UNC5C: variants seen among roughly 807,000 people sequenced by gnomAD.
UNC5C encodes the protein netrin receptor UNC5C.
In UNC5C, 47 loss-of-function variants were observed where a neutral mutation model predicts 99.8. The ratio of observed to expected loss-of-function variants is 0.47; its 90% CI spans 0.37 to 0.60. The LOEUF (loss-of-function observed/expected upper bound fraction) is 0.60, where lower values mean the gene tolerates loss of function less well. UNC5C is among the 20% of genes least tolerant of loss of function. The pLI is 0.00. For missense variants in UNC5C, 1,062 were observed against 1,165.9 expected (o/e 0.91, Z 1.30); for synonymous variants, 487 against 452.2 (o/e 1.08, Z -0.98).
rs767409515 is a variant in UNC5C at position 95,202,724 on chromosome 4, C to T, written c.2136+7G>A. Reference sequence around the variant, plus strand: ...TGAAGAGGGCAGGCTAGGTGGGAGGCACTTACCTTCAGGGCATCCTGGGTG... The same window carrying T: ...TGAAGAGGGCAGGCTAGGTGGGAGGTACTTACCTTCAGGGCATCCTGGGTG... On this transcript the variant is annotated splice_region_variant and intron_variant, in intron 12 of 15. Coordinates refer to ENST00000453304, the MANE Select transcript of UNC5C (RefSeq NM_003728.4). The T allele has an allele frequency of 3.1e-6, 5 of 1,613,220 alleles. No homozygotes were observed. Among genetic ancestry groups the T allele is most frequent in the Non-Finnish European group, 4.2e-6 (5 of 1,179,600 alleles).
At chr4:95,449,100 C>T (rs941869803) in intron 1 of UNC5C, among the ~76,000 whole-genome samples, 6 of 152,154 alleles carry the variant, frequency 3.9e-5, no homozygotes, top group Admixed American at 1.3e-4. Context: ...AAAAAAGACA[C>T]TTGAAATATT....
intron 1 of UNC5C, among the ~76,000 whole-genome samples, chr4:95,347,146 G>A (rs1404677394): frequency 6.6e-6 from 1 of 151,898 alleles, no homozygotes; most frequent in African/African-American, 2.4e-5. Flanking sequence ...AAGAAGTCAA[G>A]TAAATAATCC....
chr4:95,257,877 A>C (rs190242604), intron 4 of UNC5C, among the ~76,000 whole-genome samples: 1 of 152,214 alleles, frequency 6.6e-6, no homozygotes, highest in African/African-American at 2.4e-5. Context: ...CTGCAACAAC[A>C]TTTATTACCA....
At chr4:95,226,109 G>A (rs572881695) in intron 7 of UNC5C, among the ~76,000 whole-genome samples, 59 of 152,330 alleles carry the variant, frequency 3.9e-4, no homozygotes, top group Non-Finnish European at 7.5e-4. Flanking sequence ...GCGGAACACA[G>A]TGCAAAATAA....
intron 1 of UNC5C, among the ~76,000 whole-genome samples, chr4:95,482,580 T>A (rs1443576667): frequency 6.7e-6 from 1 of 149,558 alleles, no homozygotes; most frequent in Non-Finnish European, 1.5e-5. Flanking sequence ...TGCTGCACTA[T>A]TCACAATAGC....
intron 1 of UNC5C, among the ~76,000 whole-genome samples, chr4:95,521,466 G>T (rs147585963): frequency 0.014 from 2,089 of 151,550 alleles, 38 homozygotes; most frequent in African/African-American, 0.048. Flanking sequence ...GATCCACCTG[G>T]CTCGGCCTCC....
At chr4:95,206,175 A>G (rs1737869519) in intron 11 of UNC5C, among the ~76,000 whole-genome samples, 1 of 151,406 alleles carries the variant, frequency 6.6e-6, no homozygotes, top group African/African-American at 2.4e-5. Flanking sequence ...TAATTTTTCT[A>G]TTTTTAGTAG....
At chr4:95,537,847 G>A (rs1171899083) in intron 1 of UNC5C, among the ~76,000 whole-genome samples, 1 of 152,056 alleles carries the variant, frequency 6.6e-6, no homozygotes, top group East Asian at 1.9e-4. Flanking sequence ...AACAGTGTTT[G>A]GGGTGGGGGG....
intron 1 of UNC5C, among the ~76,000 whole-genome samples, chr4:95,339,747 T>A (rs2149423131): frequency 6.6e-6 from 1 of 152,220 alleles, no homozygotes; most frequent in South Asian, 2.1e-4. Context: ...ATTGACTGCA[T>A]TGTGCTATCT....
intron 2 of UNC5C, among the ~76,000 whole-genome samples, chr4:95,302,011 T>C (rs1226080383): frequency 6.6e-6 from 1 of 152,228 alleles, no homozygotes; most frequent in Non-Finnish European, 1.5e-5. Context: ...ACAAAGTAAT[T>C]CCTTTCCCAA....
chr4:95,385,107 A>C (rs1311342866), intron 1 of UNC5C, among the ~76,000 whole-genome samples: 1 of 152,192 alleles, frequency 6.6e-6, no homozygotes, highest in Non-Finnish European at 1.5e-5. Flanking sequence ...CCATTAGAAC[A>C]ATTATGGGCA....
chr4:95,420,503 C>T (rs781594768), intron 1 of UNC5C, among the ~76,000 whole-genome samples: 2 of 152,108 alleles, frequency 1.3e-5, no homozygotes, highest in Non-Finnish European at 2.9e-5. Context: ...CCTTATGCAA[C>T]TATGTTTTAT....
chr4:95,355,072 A>T (rs190770473), intron 1 of UNC5C, among the ~76,000 whole-genome samples: 34 of 152,270 alleles, frequency 2.2e-4, no homozygotes, highest in African/African-American at 7.0e-4. Context: ...ATAGATTAAG[A>T]ATTGTGTAAT....
At chr4:95,328,040 CTTTTTTTTTTTTTTTTTTTTAATT>C (rs1742960453) in intron 2 of UNC5C, among the ~76,000 whole-genome samples, 1 of 87,098 alleles carries the variant, frequency 1.1e-5, no homozygotes, top group Admixed American at 1.6e-4. Context: ...CAGGCAACTT[CTTTTTTTTTTTTTTTTTTTTAATT>C]TTTTTTTTTT....
At position 95,252,482 on chromosome 4, in the gene UNC5C, T is replaced by TCCCCATTAG. The variant is rs1031406839; in HGVS notation, c.595-1824_595-1816dup. On this transcript the variant is annotated intron_variant, in intron 4 of 15. Coordinates refer to ENST00000453304, the MANE Select transcript of UNC5C (RefSeq NM_003728.4). The stretch of plus-strand genomic sequence containing the variant: ...TTTTTGCCAAGGATTTTTTATAACT[T>TCCCCATTAG]CCCCATTAGCCCCATTAGCCATTGA... 4.6e-5 allele frequency among the ~76,000 whole-genome samples: 7 copies of TCCCCATTAG among 152,234 alleles called. No homozygotes were observed. The South Asian group carries it at 8.3e-4, about 18-fold the overall frequency.
intron 3 of UNC5C, among the ~76,000 whole-genome samples, chr4:95,292,154 T>C (rs1019798090): frequency 2.7e-5 from 4 of 150,544 alleles, no homozygotes; most frequent in African/African-American, 9.7e-5. Context: ...CTTCTGTACA[T>C]GTGAACCAAT....
chr4:95,286,821 A>C (rs1741252065), intron 3 of UNC5C, among the ~76,000 whole-genome samples: 1 of 152,148 alleles, frequency 6.6e-6, no homozygotes, highest in Admixed American at 6.6e-5. Flanking sequence ...TGGGCCACAG[A>C]CCCCAAATCT....
At chr4:95,190,042 G>A (rs536145084) in intron 12 of UNC5C, among the ~76,000 whole-genome samples, 24 of 152,250 alleles carry the variant, frequency 1.6e-4, no homozygotes, top group African/African-American at 5.8e-4. Flanking sequence ...ACATGCACAT[G>A]TATGTTTATT....
intron 1 of UNC5C, among the ~76,000 whole-genome samples, chr4:95,374,991 T>C (rs1208196339): frequency 6.6e-6 from 1 of 152,164 alleles, no homozygotes; most frequent in Non-Finnish European, 1.5e-5. Context: ...AACAGTTGAA[T>C]TGATATAGAA....
Sources: gnomAD v4.1 joint callset for allele counts (sites outside exome capture counted in the v4.1 genomes callset) on GRCh38, gnomAD v4.1.1 for gene constraint, MANE v1.5 for transcripts, NCBI Gene and HGNC (gene_info 2026-07-23, HGNC 2026-07-21) for gene names.